Variants in NLRC5 observed in about 807,000 individuals in gnomAD.
NLRC5 encodes the protein NLR family CARD domain containing 5.
Under a neutral mutation model 206.9 loss-of-function variants are expected in NLRC5, and 114 were observed. The observed-to-expected ratio is 0.55, with a 90% CI of 0.47 to 0.64. The LOEUF (loss-of-function observed/expected upper bound fraction) is 0.64, where lower values mean the gene tolerates loss of function less well. Ranked by LOEUF, NLRC5 falls within the 30% of genes least tolerant of loss-of-function variation. NLRC5 has a pLI of 0.00. For synonymous variants in NLRC5, 952 were observed against 962.8 expected (o/e 0.99, Z 0.21); for missense variants, 2,008 against 2,305.5 (o/e 0.87, Z 2.64).
chr16:57,077,179 G>A (rs1219465747), intron 40 of NLRC5, 117 bp from the exon 41 acceptor site: 3 of 879,202 alleles, frequency 3.4e-6, no homozygotes, highest in South Asian at 1.5e-5. Context: ...GGGTGATGGG[G>A]CTCTCTGTGT....
rs2067194102 is a variant in NLRC5 at position 57,067,482 on chromosome 16, G to A, written c.4406+12G>A. Reference sequence around the variant, plus strand: ...CTGCAGCAGCTCAGGTCAGCGCCTGGAAACTCTGTGTGGGGCCCTGAGTTC... The same window carrying A: ...CTGCAGCAGCTCAGGTCAGCGCCTGAAAACTCTGTGTGGGGCCCTGAGTTC... On this transcript the variant is annotated intron_variant, in intron 35 of 48. Coordinates refer to ENST00000688547, the MANE Select transcript of NLRC5 (RefSeq NM_001384950.1). The A allele has an allele frequency of 6.2e-7, 1 of 1,613,776 alleles. No individual in the cohort carries two copies.
At chr16:57,011,387 T>C (rs2059477200) in intron 1 of NLRC5, among the ~76,000 whole-genome samples, 2 of 142,806 alleles carry the variant, frequency 1.4e-5, no homozygotes, top group Admixed American at 7.3e-5. Flanking sequence ...CACTCAAGTC[T>C]AGGCGACAGA....
chr16:57,064,570 T>C (rs2066887570), intron 32 of NLRC5, among the ~76,000 whole-genome samples: 1 of 152,252 alleles, frequency 6.6e-6, no homozygotes, highest in Non-Finnish European at 1.5e-5. Flanking sequence ...TCATGTTTTA[T>C]ATACAGTTTG....
chr16:57,075,588 G>C (rs1567645696), intron 39 of NLRC5, among the ~76,000 whole-genome samples: 1 of 152,186 alleles, frequency 6.6e-6, no homozygotes, highest in Non-Finnish European at 1.5e-5. Flanking sequence ...AGCACTTTGA[G>C]TAGTGTGGGT....
At chr16:57,039,681 C>T in intron 15 of NLRC5, 100 bp from the exon 16 acceptor site, 1 of 1,070,698 alleles carries the variant, frequency 9.3e-7, no homozygotes, top group East Asian at 2.4e-5. Context: ...TGCACCACTG[C>T]ACACCAGCTT....
chr16:57,031,450 G>A lies in NLRC5; in HGVS notation c.2464G>A (p.Ala822Thr). 3 of 1,613,858 alleles carry A rather than the reference G, an allele frequency of 1.9e-6. No homozygotes were observed. The highest frequency in any genetic ancestry group is 2.5e-6 in the Non-Finnish European group (3 of 1,179,988). ...FLLSPPTETTAELQRAPDLQE... is the reference protein window; with the variant it reads ...FLLSPPTETTTELQRAPDLQE... ...TCTTTCCCCGCCCACAGAGACAACT[G>A]CAGAGCTACAAAGGTAAGAAGCCAA... The change falls in exon 11 of 49, where the codon GCA becomes ACA. Residue 822 changes from alanine to threonine, a missense_variant. Ala to Thr is a moderately conservative substitution (Grantham distance 58). Transcript: ENST00000688547.
At chr16:57,040,328 C>T (rs1279867402) in intron 16 of NLRC5, among the ~76,000 whole-genome samples, 2 of 152,184 alleles carry the variant, frequency 1.3e-5, no homozygotes, top group African/African-American at 2.4e-5. Flanking sequence ...ACTGAAGGCT[C>T]GATTCCAGCT....
intron 2 of NLRC5, among the ~76,000 whole-genome samples, chr16:57,020,315 C>T (rs968883743): frequency 2.7e-5 from 4 of 146,078 alleles, no homozygotes; most frequent in Non-Finnish European, 6.0e-5. Flanking sequence ...TTTGCTTGTC[C>T]TCCAGCTCAC....
rs1387760351 is a variant in NLRC5 at position 57,070,608 on chromosome 16, A to G, written c.4657A>G (p.Lys1553Glu). 6.2e-7 allele frequency: 1 copy of G among 1,613,854 alleles called. No homozygotes were observed. The highest frequency in any genetic ancestry group is 1.3e-5 in the African/African-American group (1 of 74,914). ...MRALEGKWML[K>E]RLDLSHLLLN... Reference sequence around the variant, plus strand: ...GGCCCTTGAGGGGAAATGGATGCTAAAGAGGCTGGAGTAAGTAGTGATGGT... The same window carrying G: ...GGCCCTTGAGGGGAAATGGATGCTAGAGAGGCTGGAGTAAGTAGTGATGGT... Residue 1553 changes from lysine (K) to glutamate (E), a missense_variant, in exon 38 of 49, where the codon AAG becomes GAG. By Grantham distance (56) the Lys-to-Glu change is moderately conservative. Transcript: ENST00000688547.
At chr16:57,002,827 T>G (rs1302767537) in intron 1 of NLRC5, among the ~76,000 whole-genome samples, 1 of 152,060 alleles carries the variant, frequency 6.6e-6, no homozygotes, top group African/African-American at 2.4e-5. Context: ...GTATTTTTAG[T>G]AGAGACAGGG....
intron 10 of NLRC5, among the ~76,000 whole-genome samples, chr16:57,030,438 A>AGATGGATGGATGGATGGATGAAAAGATG (rs2061705643): frequency 4.5e-5 from 4 of 89,540 alleles, no homozygotes; most frequent in Admixed American, 1.1e-4. Flanking sequence ...GTGGATGAAA[A>AGATGGATGGATGGATGGATGAAAAGATG]GATGGATGGA....
intron 1 of NLRC5, among the ~76,000 whole-genome samples, chr16:56,993,121 G>GTA (rs59382132): frequency 1.3e-3 from 166 of 129,016 alleles, no homozygotes; most frequent in Non-Finnish European, 4.1e-4. Context: ...GTATATATGT[G>GTA]TATATATATA....
rs8058651 is a variant in NLRC5 at position 57,082,625 on chromosome 16, G to T, written c.*97G>T. The T allele has an allele frequency of 1.2e-6, 1 of 865,126 alleles. No homozygotes were observed. Among genetic ancestry groups the T allele is most frequent in the Non-Finnish European group, 1.8e-6 (1 of 544,474 alleles). The allele number at this position is 865,126 out of a possible 1,614,324, so 53.6% of individuals were successfully genotyped here. A position where few individuals can be genotyped will look rare whatever the true frequency, so the allele number is the denominator to read the frequency against. The stretch of plus-strand genomic sequence containing the variant: ...AATTGACTCAGGAAAGAAGAGCCTC[G>T]GCAGGGCGCTCTGCACTCCACCCAG... On this transcript the variant is annotated 3_prime_UTR_variant, in exon 49 of 49. Coordinates refer to ENST00000688547, the MANE Select transcript of NLRC5 (RefSeq NM_001384950.1).
Position 57,029,869 on chromosome 16 carries a change from T to A in NLRC5, c.2327+13T>A. 1 of 1,613,086 alleles carries A rather than the reference T, an allele frequency of 6.2e-7. No individual in the cohort carries two copies. Among genetic ancestry groups the A allele is most frequent in the South Asian group, 1.1e-5 (1 of 91,060 alleles). Reference sequence around the variant, plus strand: ...TCCGGAAGCTTGAGTAAGTGATCTTTCCACTGCCTCTGCAGCCCAGTCCCT... The same window carrying A: ...TCCGGAAGCTTGAGTAAGTGATCTTACCACTGCCTCTGCAGCCCAGTCCCT... On this transcript the variant is annotated intron_variant, in intron 9 of 48. Coordinates refer to ENST00000688547, the MANE Select transcript of NLRC5 (RefSeq NM_001384950.1).
intron 2 of NLRC5, among the ~76,000 whole-genome samples, 177 bp from the exon 3 acceptor site, chr16:57,020,524 C>T (rs1290548497): frequency 1.2e-5 from 1 of 86,020 alleles, no homozygotes; most frequent in Non-Finnish European, 2.4e-5. Flanking sequence ...AGCTCATCTG[C>T]CCCCAGTTTA....
At chr16:57,035,922 C>A (rs575895502) in intron 13 of NLRC5, among the ~76,000 whole-genome samples, 178 bp from the exon 14 acceptor site, 20 of 152,320 alleles carry the variant, frequency 1.3e-4, no homozygotes, top group African/African-American at 4.3e-4. Context: ...GGCCAATAGT[C>A]ATAGAAGAAC....
chr16:57,066,671 G>A (rs1348190120), intron 34 of NLRC5, 57 bp downstream of exon 34: 1 of 1,471,380 alleles, frequency 6.8e-7, no homozygotes, highest in Middle Eastern at 1.7e-4. Context: ...AGGGGGCAGG[G>A]CTGCTTCTGA....
chr16:57,050,125 G>A lies in NLRC5; in HGVS notation c.3423-1413G>A, dbSNP rs190614157. Reference sequence around the variant, plus strand: ...TTGCTTTAAAAAAAAAAAAAAGGAGGGTGTAATCACCTCCTTTGCCAACCA... The same window carrying A: ...TTGCTTTAAAAAAAAAAAAAAGGAGAGTGTAATCACCTCCTTTGCCAACCA... On this transcript the variant is annotated intron_variant, in intron 23 of 48. Transcript: ENST00000688547. Among the ~76,000 whole-genome samples the A allele has an allele frequency of 1.9e-3, 295 of 151,318 alleles. 1 individual carries two copies. The highest frequency in any genetic ancestry group is 6.3e-3 in the African/African-American group (260 of 41,060).
At chr16:57,070,646 G>C (rs764222563) in intron 38 of NLRC5, 28 bp downstream of exon 38, 2 of 1,584,856 alleles carry the variant, frequency 1.3e-6, no homozygotes, top group Non-Finnish European at 1.7e-6. Flanking sequence ...TTGTGGGTGA[G>C]TGAGTGGTGG....
Sources: allele counts gnomAD v4.1 joint callset (sites outside exome capture counted in the v4.1 genomes callset), GRCh38; gene constraint gnomAD v4.1.1; transcripts MANE v1.5; gene names NCBI Gene and HGNC (gene_info 2026-07-23, HGNC 2026-07-21).